ADAM23: variants seen among roughly 807,000 people sequenced by gnomAD.
ADAM23 encodes the protein disintegrin and metalloproteinase domain-containing protein 23.
In ADAM23, 33 loss-of-function variants were observed where a neutral mutation model predicts 120.1. The ratio of observed to expected loss-of-function variants is 0.27; its 90% confidence interval spans 0.21 to 0.37. ADAM23 has a LOEUF of 0.37. Ranked by LOEUF, ADAM23 falls within the 10% of genes least tolerant of loss-of-function variation. The probability of loss-of-function intolerance (pLI) is 1.00; values close to 1 mark genes in which losing one functional copy is unlikely to be tolerated. For missense variants in ADAM23, 862 were observed against 1,058.2 expected, an observed-to-expected ratio of 0.81 and a Z score of 2.57; for synonymous variants, 367 against 375.2, an observed-to-expected ratio of 0.98 and a Z score of 0.25.
intron 3 of ADAM23, among the ~76,000 whole-genome samples, chr2:206,488,266 A>G (rs1696058145): frequency 6.6e-6 from 1 of 152,238 alleles, no homozygotes. Context: ...TCAGAGCTGT[A>G]TGAAAGAATT....
At position 206,505,820 on chromosome 2, in the gene ADAM23, T is replaced by A. The variant is rs192121520; in HGVS notation, c.509+24512T>A. On this transcript the variant is annotated intron_variant, in intron 3 of 25. Transcript: ENST00000264377. ...CATGGAGGAGTTAGATCTTGAATGTTAAGTTGTACATATAGTTGATTTCAT... is the reference window on the plus strand; with the variant it reads ...CATGGAGGAGTTAGATCTTGAATGTAAAGTTGTACATATAGTTGATTTCAT... Among the ~76,000 whole-genome samples the A allele has an allele frequency of 4.9e-3, 751 of 152,308 alleles. 2 individuals carry two copies. Among genetic ancestry groups the A allele is most frequent in the Middle Eastern group, 0.014 (4 of 292 alleles).
At chr2:206,541,466 C>T (rs1254847768) in intron 4 of ADAM23, among the ~76,000 whole-genome samples, 1 of 151,824 alleles carries the variant, frequency 6.6e-6, no homozygotes, top group Non-Finnish European at 1.5e-5. Context: ...AAATATATAG[C>T]CAAACACCAG....
intron 2 of ADAM23, among the ~76,000 whole-genome samples, chr2:206,468,936 G>A (rs1695597377): frequency 6.6e-6 from 1 of 152,172 alleles, no homozygotes; most frequent in Non-Finnish European, 1.5e-5. Context: ...GGCCAGAACA[G>A]GAGGAAGAGA....
chr2:206,606,205 G>A (rs1433965878), intron 24 of ADAM23, among the ~76,000 whole-genome samples: 3 of 151,990 alleles, frequency 2.0e-5, no homozygotes, highest in Non-Finnish European at 4.4e-5. Flanking sequence ...CCATTTATTG[G>A]CAAAAATGCT....
intron 2 of ADAM23, among the ~76,000 whole-genome samples, chr2:206,477,901 T>TATATATATATATATATAC (rs1695814231): frequency 4.1e-5 from 5 of 122,190 alleles, no homozygotes; most frequent in South Asian, 2.6e-4. Context: ...AAAAAAAATA[T>TATATATATATATATATAC]ATATATATAT....
At chr2:206,492,122 A>G (rs1225852228) in intron 3 of ADAM23, among the ~76,000 whole-genome samples, 6 of 152,248 alleles carry the variant, frequency 3.9e-5, no homozygotes, top group Admixed American at 6.5e-5. Flanking sequence ...TTTAATGACA[A>G]TCTGAGAAGT....
At chr2:206,598,719 G>C (rs897283468) in intron 24 of ADAM23, among the ~76,000 whole-genome samples, 52 of 152,028 alleles carry the variant, frequency 3.4e-4, no homozygotes, top group African/African-American at 1.2e-3. Flanking sequence ...GGCCAACATG[G>C]TGAAACCCCA....
intron 24 of ADAM23, among the ~76,000 whole-genome samples, chr2:206,600,017 C>T (rs1245638264): frequency 9.2e-5 from 14 of 152,150 alleles, no homozygotes; most frequent in African/African-American, 1.4e-4. Flanking sequence ...CTGGCTAACA[C>T]AGTGAAGCCT....
intron 2 of ADAM23, among the ~76,000 whole-genome samples, chr2:206,458,561 G>C (rs1695349528): frequency 6.6e-6 from 1 of 152,310 alleles, no homozygotes; most frequent in East Asian, 1.9e-4. Flanking sequence ...GGGGTGTAAA[G>C]AAGTTTTCCA....
chr2:206,457,889 C>G (rs1002803157), intron 2 of ADAM23, among the ~76,000 whole-genome samples: 1 of 152,140 alleles, frequency 6.6e-6, no homozygotes, highest in Non-Finnish European at 1.5e-5. Context: ...TTAATATACC[C>G]TTTATTTTTT....
At chr2:206,562,182 A>G in intron 12 of ADAM23, 21 bp from the exon 13 acceptor site, 2 of 1,605,504 alleles carry the variant, frequency 1.2e-6, no homozygotes, top group Non-Finnish European at 1.7e-6. Flanking sequence ...TCTCCCACAC[A>G]CTTTCAACTC....
chr2:206,522,565 C>G (rs1024123087), intron 3 of ADAM23, among the ~76,000 whole-genome samples: 2 of 152,046 alleles, frequency 1.3e-5, no homozygotes, highest in Non-Finnish European at 2.9e-5. Flanking sequence ...ACAAGGTTAC[C>G]AGAAGGCAAA....
Position 206,535,276 on chromosome 2 carries a change from A to T in ADAM23, c.573+4328A>T, listed in dbSNP as rs1697150858. Among the ~76,000 whole-genome samples, 7 of 152,188 alleles carry T rather than the reference A, an allele frequency of 4.6e-5. No homozygotes were observed. The South Asian group carries it at 1.4e-3, about 32-fold the overall frequency. On this transcript the variant is annotated intron_variant, in intron 4 of 25. Transcript: ENST00000264377. ...TGGGCACCAATTCATACCTATGAGG[A>T]TGGCTATAATGAAAATGATGGACAA...
chr2:206,469,796 C>T (rs907934828), intron 2 of ADAM23, among the ~76,000 whole-genome samples: 3 of 152,298 alleles, frequency 2.0e-5, no homozygotes, highest in South Asian at 2.1e-4. Flanking sequence ...TTTGAATACA[C>T]CAAGTGTGCC....
At chr2:206,508,372 T>C (rs1696546136) in intron 3 of ADAM23, among the ~76,000 whole-genome samples, 1 of 152,110 alleles carries the variant, frequency 6.6e-6, no homozygotes, top group Non-Finnish European at 1.5e-5. Flanking sequence ...TAGAAAAGGC[T>C]AGGCTGGGCG....
intron 23 of ADAM23, 120 bp from the exon 24 acceptor site, chr2:206,595,931 A>G: frequency 1.4e-6 from 1 of 728,024 alleles, no homozygotes; most frequent in Non-Finnish European, 2.3e-6. Context: ...GGGAAACTTT[A>G]AAAAGAAATT....
intron 4 of ADAM23, 37 bp downstream of exon 4, chr2:206,530,985 GTGTGCT>G (rs1166029850): frequency 6.3e-7 from 1 of 1,583,848 alleles, no homozygotes; most frequent in East Asian, 2.2e-5. Flanking sequence ...TCTAGTATAA[GTGTGCT>G]TATCATAGAG....
chr2:206,450,283 C>T (rs1277280360), intron 2 of ADAM23, among the ~76,000 whole-genome samples: 1 of 152,216 alleles, frequency 6.6e-6, no homozygotes, highest in Non-Finnish European at 1.5e-5. Flanking sequence ...GTTTCTTTAG[C>T]AAGCCTAGAC....
intron 24 of ADAM23, chr2:206,607,807 A>G (rs1004360881): frequency 1.5e-5 from 4 of 262,920 alleles, no homozygotes; most frequent in Non-Finnish European, 3.0e-5. Flanking sequence ...ATGTAGTACA[A>G]TATAGATTGT....
Sources: allele counts gnomAD v4.1 joint callset (sites outside exome capture counted in the v4.1 genomes callset), GRCh38; gene constraint gnomAD v4.1.1; transcripts MANE v1.5; gene names NCBI Gene and HGNC (gene_info 2026-07-23, HGNC 2026-07-21).